The following POLB variants were observed in gnomAD, a reference collection of about 807,000 sequenced individuals.
POLB encodes 5'-dRP lyase.
In POLB, 37 loss-of-function variants were observed where a neutral mutation model predicts 52.7. The observed-to-expected ratio is 0.70, with a 90% CI of 0.54 to 0.92. POLB has a LOEUF of 0.92. Ranked by LOEUF, POLB falls within the 40% of genes least tolerant of loss-of-function variation. POLB has a pLI of 0.00. For missense variants in POLB, 313 were observed against 400.8 expected, an observed-to-expected ratio of 0.78 and a Z score of 1.87; for synonymous variants, 138 against 131.3, an observed-to-expected ratio of 1.05 and a Z score of -0.35.
rs917091928 is a variant in POLB at position 42,342,110 on chromosome 8, A to C, written c.120-2843A>C. 3.7e-5 allele frequency: 46 copies of C among 1,231,426 alleles called. No homozygotes were observed. The African/African-American group carries it at 5.6e-4, about 15-fold the overall frequency. The allele number at this position is 1,231,426 out of a possible 1,614,324, so 76.3% of individuals were successfully genotyped here. ...CTTGCTTTCAGAATCATAACCAGGG[A>C]ATCATTTGGTACTTTGAGGGATAGA... On this transcript the variant is annotated intron_variant, in intron 2 of 13. Transcript: ENST00000265421.
At chr8:42,359,942 GTCT>G in intron 9 of POLB, among the ~76,000 whole-genome samples, 1 of 151,488 alleles carries the variant, frequency 6.6e-6, no homozygotes, top group Admixed American at 6.6e-5. Context: ...ATTCAGTCTA[GTCT>G]TCTTTTTTTC....
chr8:42,350,010 C>T lies in POLB; in HGVS notation c.265C>T (p.Arg89Trp), dbSNP rs773211075. The T allele has an allele frequency of 1.5e-5, 24 of 1,600,986 alleles. No homozygotes were observed. The highest frequency in any genetic ancestry group is 1.7e-5 in the Non-Finnish European group (20 of 1,168,708). ...TGKLRKLEKIRQDDTSSSINF... is the reference protein window; with the variant it reads ...TGKLRKLEKIWQDDTSSSINF... The stretch of plus-strand genomic sequence containing the variant: ...TAGACTTTTTTTTTTCTTAAAGATT[C>T]GGCAGGATGATACGAGTTCATCCAT... The change falls in exon 5 of 14, where the codon CGG becomes TGG. Residue 89 changes from arginine to tryptophan, a missense_variant. Arg to Trp is a moderately radical substitution (Grantham distance 101). Coordinates refer to ENST00000265421, the MANE Select transcript of POLB (RefSeq NM_002690.3).
At chr8:42,365,226 G>C (rs1823966932) in intron 11 of POLB, among the ~76,000 whole-genome samples, 1 of 152,072 alleles carries the variant, frequency 6.6e-6, no homozygotes, top group South Asian at 2.1e-4. Context: ...TTTCTAAGGT[G>C]GTCACACTTT....
At position 42,369,967 on chromosome 8, in the gene POLB, A is replaced by T; in HGVS notation, c.892A>T (p.Ile298Phe). ...EKGFTINEYT[I>F]RPLGVTGVAG... ...GGGTTTCACAATCAATGAGTACACC[A>T]TCCGTCCCTTGGGAGTCACTGGTGA... Residue 298 changes from isoleucine to phenylalanine, a missense_variant, in exon 13 of 14, where the codon ATC becomes TTC. By Grantham distance (21) the Ile-to-Phe change is conservative (BLOSUM62 0). Around this residue, in one of 3 missense-constraint regions of POLB, gnomAD observed 246 missense variants for 297.6 expected, o/e 0.83. Coordinates refer to ENST00000265421, the MANE Select transcript of POLB (RefSeq NM_002690.3). 6.2e-7 allele frequency: 1 copy of T among 1,610,418 alleles called. No individual in the cohort carries two copies. Among genetic ancestry groups the T allele is most frequent in the South Asian group, 1.1e-5 (1 of 90,916 alleles).
At chr8:42,339,132 T>A in intron 2 of POLB, 63 bp downstream of exon 2, 4 of 1,262,046 alleles carry the variant, frequency 3.2e-6, no homozygotes, top group Non-Finnish European at 4.7e-6. Flanking sequence ...GTGTGGCAAT[T>A]AACAGGACTG....
intron 2 of POLB, among the ~76,000 whole-genome samples, chr8:42,344,600 CA>C: frequency 6.6e-6 from 1 of 151,828 alleles, no homozygotes; most frequent in South Asian, 2.1e-4. Context: ...TTTGGGAGGC[CA>C]AGGCAGGTGG....
intron 3 of POLB, among the ~76,000 whole-genome samples, chr8:42,348,276 G>T (rs1822756695): frequency 6.6e-6 from 1 of 152,156 alleles, no homozygotes; most frequent in Non-Finnish European, 1.5e-5. Flanking sequence ...GAAAAGACAG[G>T]ATCTCTGCTC....
At chr8:42,352,009 G>C (rs1360864804) in intron 5 of POLB, among the ~76,000 whole-genome samples, 1 of 152,126 alleles carries the variant, frequency 6.6e-6, no homozygotes, top group African/African-American at 2.4e-5. Context: ...TAGATAGCTG[G>C]TTCTTTAGTC....
At chr8:42,357,658 G>A (rs2130823948) in intron 9 of POLB, 2 of 342,808 alleles carry the variant, frequency 5.8e-6, no homozygotes, top group South Asian at 1.9e-4. Context: ...GCTAGTAATG[G>A]TTGTCTTTGG....
chr8:42,359,028 T>A (rs562696780), intron 9 of POLB, among the ~76,000 whole-genome samples: 1 of 152,306 alleles, frequency 6.6e-6, no homozygotes, highest in South Asian at 2.1e-4. Context: ...TGGATTTATT[T>A]ATTTCTATTT....
At chr8:42,357,136 A>G in intron 7 of POLB, 33 bp from the exon 8 acceptor site, 4 of 1,240,810 alleles carry the variant, frequency 3.2e-6, no homozygotes, top group Middle Eastern at 2.1e-4. Context: ...AAATTTTACG[A>G]AAATCTTTTG....
rs150375548 is a variant in POLB at position 42,357,617 on chromosome 8, G to A, written c.550+225G>A. 1,158 of 425,232 alleles carry A rather than the reference G, an allele frequency of 2.7e-3. 5 individuals carry two copies. Among genetic ancestry groups the A allele is most frequent in the Non-Finnish European group, 4.3e-3 (1,037 of 242,074 alleles). The allele number at this position is 425,232 out of a possible 1,614,324, so 26.3% of individuals were successfully genotyped here. On this transcript the variant is annotated intron_variant, in intron 9 of 13. Transcript: ENST00000265421. Reference sequence around the variant, plus strand: ...TATTTTAATGACTAGTTTTAACGACGTTTATTAAATGACTTTAAGTATATT... The same window carrying A: ...TATTTTAATGACTAGTTTTAACGACATTTATTAAATGACTTTAAGTATATT...
At chr8:42,360,776 A>T (rs555079280) in intron 9 of POLB, among the ~76,000 whole-genome samples, 51 of 151,148 alleles carry the variant, frequency 3.4e-4, no homozygotes, top group African/African-American at 1.2e-3. Context: ...GAGTGCCTGG[A>T]TCTCTCTGTG....
At chr8:42,360,261 C>G (rs911138192) in intron 9 of POLB, among the ~76,000 whole-genome samples, 1 of 151,834 alleles carries the variant, frequency 6.6e-6, no homozygotes, top group Non-Finnish European at 1.5e-5. Context: ...CCGGCCTGGC[C>G]TTCTTTATAT....
intron 9 of POLB, among the ~76,000 whole-genome samples, chr8:42,359,704 C>T (rs1474666716): frequency 1.3e-5 from 2 of 151,244 alleles, no homozygotes; most frequent in African/African-American, 2.4e-5. Context: ...CAGTTGCATG[C>T]ATGTATCATA....
intron 11 of POLB, among the ~76,000 whole-genome samples, chr8:42,368,600 G>C (rs574957779): frequency 2.6e-5 from 4 of 152,240 alleles, no homozygotes; most frequent in African/African-American, 9.6e-5. Context: ...AAAGGGAAAA[G>C]ATAAAACAGA....
chr8:42,354,697 C>T (rs1039104823), intron 6 of POLB, among the ~76,000 whole-genome samples: 5 of 152,072 alleles, frequency 3.3e-5, no homozygotes, highest in African/African-American at 1.2e-4. Flanking sequence ...GCGCGCACCA[C>T]CATGCCTGGC....
intron 11 of POLB, among the ~76,000 whole-genome samples, chr8:42,366,931 G>A (rs1431548701): frequency 1.3e-5 from 2 of 152,198 alleles, no homozygotes; most frequent in African/African-American, 4.8e-5. Context: ...TCCAAGAGTT[G>A]TACAAAGAGA....
rs554812939 is a variant in POLB at position 42,359,979 on chromosome 8, G to A, written c.551-1316G>A. Among the ~76,000 whole-genome samples, 13 of 150,448 alleles carry A rather than the reference G, an allele frequency of 8.6e-5. No individual in the cohort carries two copies. The East Asian group carries it at 1.6e-3, about 18-fold the overall frequency. ...TCTTTTTTTTTTGAGGCAGAGTCTC[G>A]CTTTGTCGCCCAGGCTGGAGTGCAG... On this transcript the variant is annotated intron_variant, in intron 9 of 13. Transcript: ENST00000265421.
Sources: gnomAD v4.1 joint callset for allele counts (sites outside exome capture counted in the v4.1 genomes callset) on GRCh38, gnomAD v4.1.1 for gene constraint, gnomAD v4.1.1 regional missense constraint, MANE v1.5 for transcripts, NCBI Gene and HGNC (gene_info 2026-07-23, HGNC 2026-07-21) for gene names.